Variants in ANKIB1 observed in about 807,000 individuals in gnomAD.
The protein encoded by ANKIB1 is ankyrin repeat and IBR domain containing 1, also known as ankyrin repeat and IBR domain-containing protein 1.
In ANKIB1, 43 loss-of-function variants were observed where a neutral mutation model predicts 122.1. The ratio of observed to expected loss-of-function variants is 0.35; its 90% CI spans 0.28 to 0.45. The LOEUF (loss-of-function observed/expected upper bound fraction) is 0.45. Ranked by LOEUF, ANKIB1 falls within the 20% of genes least tolerant of loss-of-function variation. The pLI is 1.00. For synonymous variants in ANKIB1, 390 were observed against 442.0 expected (o/e 0.88, Z 1.48); for missense variants, 992 against 1,329.5 (o/e 0.75, Z 3.95).
At chr7:92,260,292 T>C (rs931970862) in intron 1 of ANKIB1, among the ~76,000 whole-genome samples, 1 of 152,160 alleles carries the variant, frequency 6.6e-6, no homozygotes, top group Non-Finnish European at 1.5e-5. Context: ...CAGGGTATGC[T>C]CCTATGCATG....
At position 92,387,302 on chromosome 7, in the gene ANKIB1, G is replaced by A. The variant is rs138404715; in HGVS notation, c.1753-496G>A. On this transcript the variant is annotated intron_variant, in intron 12 of 19. Coordinates refer to ENST00000265742, the MANE Select transcript of ANKIB1 (RefSeq NM_019004.2). Reference sequence around the variant, plus strand: ...GGCTTCAAAATATTAATTTTAGGGGGAATACCATTAGTCCATAGCAAAAAG... The same window carrying A: ...GGCTTCAAAATATTAATTTTAGGGGAAATACCATTAGTCCATAGCAAAAAG... Among the ~76,000 whole-genome samples the A allele has an allele frequency of 2.0e-5, 3 of 152,164 alleles. No individual in the cohort carries two copies. The East Asian group carries it at 5.8e-4, about 29-fold the overall frequency.
intron 1 of ANKIB1, among the ~76,000 whole-genome samples, chr7:92,262,579 T>C (rs141633106): frequency 2.0e-4 from 31 of 152,242 alleles, no homozygotes; most frequent in African/African-American, 7.5e-4. Flanking sequence ...TCCAAGTATA[T>C]AGCATGATCT....
intron 7 of ANKIB1, among the ~76,000 whole-genome samples, chr7:92,349,828 T>C (rs759337828): frequency 9.2e-5 from 14 of 152,090 alleles, no homozygotes; most frequent in Non-Finnish European, 1.9e-4. Flanking sequence ...AATAAATTGC[T>C]TAAGATCATA....
chr7:92,291,648 C>G (rs1802253292), intron 1 of ANKIB1, among the ~76,000 whole-genome samples: 1 of 148,720 alleles, frequency 6.7e-6, no homozygotes. Flanking sequence ...GTGATCTCAG[C>G]TCGCTGCAAG....
rs76131937 is a variant in ANKIB1 at position 92,391,979 on chromosome 7, G to T, written c.2232-262G>T. 7.2e-3 allele frequency among the ~76,000 whole-genome samples: 1,089 copies of T among 151,876 alleles called. 12 individuals are homozygous for T. The highest frequency in any genetic ancestry group is 8.8e-3 in the Non-Finnish European group (599 of 67,930). ...AATATTTATGAGTAAATATTTACTTGTAAAATACAAATAGAAGCATTATAA... is the reference window on the plus strand; with the variant it reads ...AATATTTATGAGTAAATATTTACTTTTAAAATACAAATAGAAGCATTATAA... On this transcript the variant is annotated intron_variant, in intron 16 of 19. Transcript: ENST00000265742.
chr7:92,282,053 G>A (rs944516772), intron 1 of ANKIB1, among the ~76,000 whole-genome samples: 3 of 152,106 alleles, frequency 2.0e-5, no homozygotes, highest in Non-Finnish European at 4.4e-5. Flanking sequence ...TCGATACATA[G>A]TGTGTAATTT....
At chr7:92,334,782 C>A (rs1271457543) in intron 5 of ANKIB1, among the ~76,000 whole-genome samples, 1 of 151,790 alleles carries the variant, frequency 6.6e-6, no homozygotes, top group East Asian at 1.9e-4. Context: ...CTTTTCATAT[C>A]AATAGCTATA....
chr7:92,265,642 GT>G (rs575740524), intron 1 of ANKIB1, among the ~76,000 whole-genome samples: 3 of 152,228 alleles, frequency 2.0e-5, no homozygotes, highest in Non-Finnish European at 4.4e-5. Context: ...AGTTGTTAGG[GT>G]AAGAGGTGAA....
intron 10 of ANKIB1, among the ~76,000 whole-genome samples, chr7:92,370,398 C>T (rs1804211890): frequency 6.7e-6 from 1 of 150,086 alleles, no homozygotes; most frequent in Non-Finnish European, 1.5e-5. Flanking sequence ...GTCCCAGCTA[C>T]TCGGGAGGCT....
intron 1 of ANKIB1, among the ~76,000 whole-genome samples, chr7:92,273,968 C>A (rs1801848353): frequency 6.6e-6 from 1 of 151,562 alleles, no homozygotes; most frequent in African/African-American, 2.4e-5. Context: ...AGATGAAGTC[C>A]CACTATGTTG....
chr7:92,298,819 A>G (rs1193054153), intron 2 of ANKIB1, among the ~76,000 whole-genome samples: 1 of 152,022 alleles, frequency 6.6e-6, no homozygotes, highest in African/African-American at 2.4e-5. Context: ...CCTCGATTAA[A>G]GCAGTAAAAT....
At chr7:92,344,237 T>C (rs1803492734) in intron 6 of ANKIB1, among the ~76,000 whole-genome samples, 1 of 130,554 alleles carries the variant, frequency 7.7e-6, no homozygotes, top group African/African-American at 2.9e-5. Context: ...GGAGTTTCAC[T>C]CTTGTTGCCG....
intron 1 of ANKIB1, among the ~76,000 whole-genome samples, chr7:92,259,481 CTAGA>C (rs1375691997): frequency 6.6e-6 from 1 of 151,980 alleles, no homozygotes; most frequent in East Asian, 1.9e-4. Flanking sequence ...ATTTTGAAGT[CTAGA>C]TGGGATGGGC....
chr7:92,294,718 G>T (rs770485531), intron 1 of ANKIB1, among the ~76,000 whole-genome samples, 171 bp from the exon 2 acceptor site: 3 of 152,148 alleles, frequency 2.0e-5, no homozygotes, highest in Non-Finnish European at 4.4e-5. Context: ...AATTTGGACA[G>T]TGTTAAAAAT....
At chr7:92,299,971 A>T (rs1218928856) in intron 2 of ANKIB1, among the ~76,000 whole-genome samples, 2 of 151,272 alleles carry the variant, frequency 1.3e-5, no homozygotes, top group Non-Finnish European at 3.0e-5. Flanking sequence ...TGTCTGGCCA[A>T]TTTTTTTTTA....
chr7:92,348,789 GA>G (rs930402011), intron 7 of ANKIB1, among the ~76,000 whole-genome samples: 1 of 151,230 alleles, frequency 6.6e-6, no homozygotes, highest in East Asian at 1.9e-4. Context: ...AATGCCAAGG[GA>G]AAAAAAAAGT....
chr7:92,353,699 C>CATT (rs1269710409), intron 9 of ANKIB1, among the ~76,000 whole-genome samples: 1 of 152,220 alleles, frequency 6.6e-6, no homozygotes, highest in Non-Finnish European at 1.5e-5. Flanking sequence ...ACCCCTGACT[C>CATT]TAAGTCAAGG....
rs755737210 is a variant in ANKIB1, at chr7:92,343,245, A to G, written c.996+13A>G. The stretch of plus-strand genomic sequence containing the variant: ...AGACACCAGTTTGGTATGGTTTGGT[A>G]TTCACTGTACTTCTCATAGCTTTGT... On this transcript the variant is annotated intron_variant, in intron 6 of 19. Coordinates refer to ENST00000265742, the MANE Select transcript of ANKIB1 (RefSeq NM_019004.2). 3 of 1,603,522 alleles carry G rather than the reference A, an allele frequency of 1.9e-6. No homozygotes were observed. Among genetic ancestry groups the G allele is most frequent in the African/African-American group, 1.3e-5 (1 of 74,724 alleles).
chr7:92,287,131 C>T (rs1802147961), intron 1 of ANKIB1, among the ~76,000 whole-genome samples: 1 of 152,136 alleles, frequency 6.6e-6, no homozygotes, highest in African/African-American at 2.4e-5. Flanking sequence ...TGCCTTTCAA[C>T]CTAATGTTAA....
Sources: gnomAD v4.1 joint callset for allele counts (sites outside exome capture counted in the v4.1 genomes callset) on GRCh38, gnomAD v4.1.1 for gene constraint, MANE v1.5 for transcripts, NCBI Gene and HGNC (gene_info 2026-07-23, HGNC 2026-07-21) for gene names.